The following ENTPD5 variants were observed in gnomAD, a reference collection of about 807,000 sequenced individuals.
ENTPD5 encodes nucleoside diphosphate phosphatase ENTPD5.
Under a neutral mutation model 60.2 loss-of-function variants are expected in ENTPD5, and 49 were observed. The observed-to-expected ratio is 0.81, with a 90% CI of 0.65 to 1.03. The LOEUF (loss-of-function observed/expected upper bound fraction) is 1.03, where lower values mean the gene tolerates loss of function less well. Among genes scored for constraint, ENTPD5 ranks in the 50% least tolerant of loss-of-function variants. ENTPD5 has a pLI of 0.00. For synonymous variants in ENTPD5, 187 were observed against 185.4 expected, an observed-to-expected ratio of 1.01 and a Z score of -0.07; for missense variants, 480 against 507.6, an observed-to-expected ratio of 0.95 and a Z score of 0.52.
chr14:74,009,382 T>C (rs2058775783), intron 3 of ENTPD5, among the ~76,000 whole-genome samples: 1 of 152,242 alleles, frequency 6.6e-6, no homozygotes, highest in Non-Finnish European at 1.5e-5. Flanking sequence ...GGATTTTAAC[T>C]GTGGGAAGAG....
In ENTPD5 at chr14:73,979,376, A is replaced by G. The variant is rs371885377; in HGVS notation, c.442-2002T>C. On this transcript the variant is annotated intron_variant, in intron 6 of 15. Transcript: ENST00000334696. Reference sequence around the variant, plus strand: ...TTATTTTCTGTCTTCCTGAAGTAGAATGTAAGCTACAGGAGTGCAAAGACC... The same window carrying G: ...TTATTTTCTGTCTTCCTGAAGTAGAGTGTAAGCTACAGGAGTGCAAAGACC... Among the ~76,000 whole-genome samples the G allele has an allele frequency of 2.8e-4, 43 of 151,902 alleles. 2 individuals carry two copies. Among genetic ancestry groups the G allele is most frequent in the African/African-American group, 8.5e-4 (35 of 41,324 alleles).
intron 15 of ENTPD5, among the ~76,000 whole-genome samples, chr14:73,968,306 G>A (rs1378134545): frequency 6.6e-6 from 1 of 152,026 alleles, no homozygotes; most frequent in Non-Finnish European, 1.5e-5. Context: ...GAATTTTAGG[G>A]GTTTCTTAGA....
chr14:73,980,874 G>C (rs1054533492), intron 6 of ENTPD5, among the ~76,000 whole-genome samples: 3 of 152,134 alleles, frequency 2.0e-5, no homozygotes, highest in Non-Finnish European at 4.4e-5. Context: ...GAGGCGGGCA[G>C]ATCACCTTAG....
chr14:73,985,927 C>A (rs1001966837), intron 5 of ENTPD5, among the ~76,000 whole-genome samples: 1 of 151,784 alleles, frequency 6.6e-6, no homozygotes. Context: ...CAAAAATTAG[C>A]CGGGCATGGT....
intron 3 of ENTPD5, among the ~76,000 whole-genome samples, chr14:73,999,777 G>A (rs1036319748): frequency 7.3e-5 from 11 of 150,900 alleles, no homozygotes; most frequent in Admixed American, 3.3e-4. Context: ...GGGCAACAGG[G>A]CGAGACTCCG....
In ENTPD5 at chr14:73,969,993, G is replaced by A; in HGVS notation, c.1200+17C>T. 6.4e-7 allele frequency: 1 copy of A among 1,555,844 alleles called. No individual in the cohort carries two copies. Among genetic ancestry groups the A allele is most frequent in the Non-Finnish European group, 8.9e-7 (1 of 1,127,104 alleles). On this transcript the variant is annotated intron_variant, in intron 15 of 15. Coordinates refer to ENST00000334696, the MANE Select transcript of ENTPD5 (RefSeq NM_001249.5). ...CAAAAGAGGGCTGTTATGAGACTCT[G>A]GTGTCCTGTCTCTTACCTGTAAGAC...
intron 3 of ENTPD5, among the ~76,000 whole-genome samples, chr14:73,989,069 G>A (rs143844167): frequency 0.062 from 9,396 of 151,314 alleles, 465 homozygotes; most frequent in South Asian, 0.27. Context: ...TGATCCACCC[G>A]CCTCGGCCTC....
In ENTPD5 at chr14:73,995,066, A is replaced by T. The variant is rs868318901; in HGVS notation, c.-70-6894T>A. On this transcript the variant is annotated intron_variant, in intron 3 of 15. Coordinates refer to ENST00000334696, the MANE Select transcript of ENTPD5 (RefSeq NM_001249.5). ...AGGCAGAATTTTTTTTTTTTTTTTTAAATACAGAGTCTTGCTCTATCACCC... is the reference window on the plus strand; with the variant it reads ...AGGCAGAATTTTTTTTTTTTTTTTTTAATACAGAGTCTTGCTCTATCACCC... 9.7e-3 allele frequency among the ~76,000 whole-genome samples: 1,195 copies of T among 123,730 alleles called. 18 individuals carry two copies. Among genetic ancestry groups the T allele is most frequent in the African/African-American group, 0.03 (1,134 of 37,844 alleles). The allele number at this position is 123,730 out of a possible 152,430, so 81.2% of individuals were successfully genotyped here. A position where few individuals can be genotyped will look rare whatever the true frequency, so the allele number is the denominator to read the frequency against.
At chr14:73,990,907 T>C (rs1298153034) in intron 3 of ENTPD5, among the ~76,000 whole-genome samples, 1 of 151,980 alleles carries the variant, frequency 6.6e-6, no homozygotes, top group African/African-American at 2.4e-5. Flanking sequence ...CATGCGCCAG[T>C]AGTCCCAGCT....
intron 12 of ENTPD5, among the ~76,000 whole-genome samples, chr14:73,973,601 G>T (rs1310081906): frequency 6.6e-6 from 1 of 152,138 alleles, no homozygotes; most frequent in Admixed American, 6.6e-5. Flanking sequence ...TGATCCTCTT[G>T]CCTCAACCTT....
At chr14:73,976,619 T>G (rs2057457308) in intron 8 of ENTPD5, among the ~76,000 whole-genome samples, 1 of 151,910 alleles carries the variant, frequency 6.6e-6, no homozygotes, top group Admixed American at 6.6e-5. Flanking sequence ...TGGAAGGCCT[T>G]TTTGGAGACA....
At chr14:73,972,582 T>C (rs193177182) in intron 13 of ENTPD5, among the ~76,000 whole-genome samples, 8 of 152,274 alleles carry the variant, frequency 5.3e-5, no homozygotes, top group African/African-American at 1.9e-4. Flanking sequence ...TTATCTTCAA[T>C]GTGCTGATGG....
intron 3 of ENTPD5, among the ~76,000 whole-genome samples, chr14:73,991,600 AC>A (rs1332789382): frequency 1.6e-4 from 20 of 123,218 alleles, no homozygotes; most frequent in East Asian, 4.7e-4. Flanking sequence ...AAAAAAAAAA[AC>A]AATAACCAAA....
downstream of ENTPD5, chr14:73,956,200 C>T (rs1269694260): frequency 1.6e-4 from 60 of 375,222 alleles, no homozygotes; most frequent in Admixed American, 1.2e-3. Flanking sequence ...TGGTGGCGGG[C>T]GCCTATAGAC....
intron 3 of ENTPD5, among the ~76,000 whole-genome samples, chr14:73,998,307 C>T (rs1335348192): frequency 1.3e-5 from 2 of 152,114 alleles, no homozygotes; most frequent in African/African-American, 4.8e-5. Flanking sequence ...ACCTCTCCCT[C>T]CCTGCTCTTT....
At chr14:73,958,252 G>A, downstream of ENTPD5, 3 of 1,613,724 alleles carry the variant, frequency 1.9e-6, no homozygotes, top group Non-Finnish European at 2.5e-6. Flanking sequence ...CTAGGTGATG[G>A]CAGCACCTTC....
At chr14:73,960,001 A>G (rs1000904500), downstream of ENTPD5, 27 of 1,033,478 alleles carry the variant, frequency 2.6e-5, no homozygotes, top group African/African-American at 5.2e-5. Flanking sequence ...GAAATAATAA[A>G]TAATAACCTT....
At chr14:74,016,569 G>T (rs1242589960) in intron 1 of ENTPD5, among the ~76,000 whole-genome samples, 1 of 152,022 alleles carries the variant, frequency 6.6e-6, no homozygotes, top group Non-Finnish European at 1.5e-5. Context: ...CCAGGAGGTC[G>T]AAGCTGTAAT....
At position 73,963,655 on chromosome 14, in the gene ENTPD5, G is replaced by A. The variant is rs192569342; in HGVS notation, c.*3273C>T. The A allele has an allele frequency of 2.2e-4, 33 of 152,640 alleles. No homozygotes were observed. Among genetic ancestry groups the A allele is most frequent in the South Asian group, 4.1e-4 (2 of 4,832 alleles). 9.5% of individuals were successfully genotyped at this position (152,640 alleles called of 1,614,324 possible). On this transcript the variant is annotated 3_prime_UTR_variant, in exon 16 of 16. Transcript: ENST00000334696. ...CAGGAACCAGATCACAAGGGAAACC[G>A]ATTAGCAGCAGAATTTGTTCATGTT...
Sources: gnomAD v4.1 joint callset for allele counts (sites outside exome capture counted in the v4.1 genomes callset) on GRCh38, gnomAD v4.1.1 for gene constraint, MANE v1.5 for transcripts, NCBI Gene and HGNC (gene_info 2026-07-23, HGNC 2026-07-21) for gene names.